The following ASB18 variants were observed in gnomAD, a reference collection of about 807,000 sequenced individuals.
ASB18 encodes the protein ankyrin repeat and SOCS box containing 18.
Under a neutral mutation model 33.4 loss-of-function variants are expected in ASB18, and 33 were observed. The observed-to-expected ratio is 0.99, with a 90% CI of 0.75 to 1.32. The LOEUF is 1.32. Among genes scored for constraint, ASB18 ranks in the 40% most tolerant of loss-of-function variants. The pLI is 0.00. For synonymous variants in ASB18, 295 were observed against 307.6 expected (o/e 0.96, Z 0.43); for missense variants, 694 against 655.5 (o/e 1.06, Z -0.64).
Position 236,214,766 on chromosome 2 carries a change from C to A in ASB18, c.697G>T (p.Glu233Ter). 1 of 1,187,452 alleles carries A rather than the reference C, an allele frequency of 8.4e-7. No homozygotes were observed. The highest frequency in any genetic ancestry group is 3.7e-5 in the South Asian group (1 of 26,674). 73.6% of individuals were successfully genotyped at this position (1,187,452 alleles called of 1,614,324 possible). Reference sequence around the variant, plus strand: ...CGGCCCAGGTACAGGCGCGCGTGCTCGTCCAGGCCGCGCTGCGCCGCCACG... The same window carrying A: ...CGGCCCAGGTACAGGCGCGCGTGCTAGTCCAGGCCGCGCTGCGCCGCCACG... The part of the protein sequence containing the change: ...LHVAAQRGLD[E>*]HARLYLGRGA... Residue 233 changes from glutamate (E) to a stop codon, truncating the protein, a stop_gained, in exon 4 of 6, where the codon GAG becomes TAG. Coordinates refer to ENST00000409749, the MANE Select transcript of ASB18 (RefSeq NM_212556.4). LOFTEE classifies it high-confidence loss of function. This position sits in a 1 kb window ranked among gnomAD's most constrained non-coding sequence, Gnocchi z 6.5.
intron 1 of ASB18, among the ~76,000 whole-genome samples, chr2:236,246,978 T>C (rs1368619652): frequency 6.6e-6 from 1 of 152,344 alleles, no homozygotes; most frequent in East Asian, 1.9e-4. Context: ...TTAAAAGGGA[T>C]AGGACACTAG....
At position 236,208,892 on chromosome 2, in the gene ASB18, C is replaced by T. The variant is rs2060446160; in HGVS notation, c.1101+5470G>A. Among the ~76,000 whole-genome samples the T allele has an allele frequency of 6.6e-6, 1 of 152,236 alleles. No individual in the cohort carries two copies. Among genetic ancestry groups the T allele is most frequent in the Non-Finnish European group, 1.5e-5 (1 of 68,042 alleles). On this transcript the variant is annotated intron_variant, in intron 4 of 5. Transcript: ENST00000409749. This position sits in a 1 kb window ranked among gnomAD's most constrained non-coding sequence, Gnocchi z 7.7. The stretch of plus-strand genomic sequence containing the variant: ...GTCATTAGTGTCCACGCACACCACA[C>T]TCTCTTCAGCTAATGAGGCGGCAGA...
At chr2:236,258,034 G>T (rs1263079088) in intron 1 of ASB18, among the ~76,000 whole-genome samples, 2 of 152,182 alleles carry the variant, frequency 1.3e-5, no homozygotes, top group Non-Finnish European at 2.9e-5. Flanking sequence ...CCTGATTTGG[G>T]GACTTATTCT....
In ASB18 at chr2:236,222,516, C is replaced by A. The variant is rs1530952; in HGVS notation, c.597-7650G>T. Among the ~76,000 whole-genome samples the A allele has an allele frequency of 0.38, 58,393 of 152,076 alleles. 11,760 individuals carry two copies. The highest frequency in any genetic ancestry group is 0.52 in the African/African-American group (21,449 of 41,450). On this transcript the variant is annotated intron_variant, in intron 3 of 5. Coordinates refer to ENST00000409749, the MANE Select transcript of ASB18 (RefSeq NM_212556.4). The surrounding 1 kb of genome is among the most constrained non-coding windows in gnomAD (Gnocchi z 5.5). ...AATGATTTAGTGAACAAGATTTGTA[C>A]AGTCAGCTCCACTGTGTGCCCCATG...
rs2060472645 is a variant in ASB18 at position 236,214,228 on chromosome 2, C to G, written c.1101+134G>C. ...CCACCCCAGACCGGCAGAGCAGATT[C>G]TGCATTTTCACAAGTCCCCAGGGGT... is the stretch of plus-strand genomic sequence containing the variant. On this transcript the variant is annotated intron_variant, in intron 4 of 5. Coordinates refer to ENST00000409749, the MANE Select transcript of ASB18 (RefSeq NM_212556.4). This position sits in a 1 kb window ranked among gnomAD's most constrained non-coding sequence, Gnocchi z 6.5. The G allele has an allele frequency of 2.1e-6, 2 of 931,990 alleles. No homozygotes were observed. Among genetic ancestry groups the G allele is most frequent in the Admixed American group, 3.0e-5 (1 of 33,760 alleles). The allele number at this position is 931,990 out of a possible 1,614,324, so 57.7% of individuals were successfully genotyped here. A position where few individuals can be genotyped will look rare whatever the true frequency, so the allele number is the denominator to read the frequency against.
At position 236,204,560 on chromosome 2, in the gene ASB18, A is replaced by G. The variant is rs572828783; in HGVS notation, c.1102-8175T>C. On this transcript the variant is annotated intron_variant, in intron 4 of 5. Transcript: ENST00000409749. The surrounding 1 kb of genome is among the most constrained non-coding windows in gnomAD (Gnocchi z 5.1). ...AAAGGTATATCTCCAGGTTGGCCAA[A>G]TCTCTCCCTCTCAAACTTTGGGCTT... Among the ~76,000 whole-genome samples the G allele has an allele frequency of 6.6e-6, 1 of 152,228 alleles. No homozygotes were observed.
In ASB18 at chr2:236,259,215, G is replaced by C. The variant is rs781480282; in HGVS notation, c.205+4926C>G. On this transcript the variant is annotated intron_variant, in intron 1 of 5. Coordinates refer to ENST00000409749, the MANE Select transcript of ASB18 (RefSeq NM_212556.4). This position sits in a 1 kb window ranked among gnomAD's most constrained non-coding sequence, Gnocchi z 4.4. ...AAGTAGAATTAAATATTTCTTTGCA[G>C]AAACCCAAATCCCAATAGTGTCTGT... Among the ~76,000 whole-genome samples the C allele has an allele frequency of 2.0e-5, 3 of 152,166 alleles. No individual in the cohort carries two copies. The highest frequency in any genetic ancestry group is 4.4e-5 in the Non-Finnish European group (3 of 68,034).
intron 3 of ASB18, among the ~76,000 whole-genome samples, chr2:236,236,816 T>C (rs541767379): frequency 1.3e-5 from 2 of 152,284 alleles, no homozygotes; most frequent in Non-Finnish European, 1.5e-5. Context: ...GCACTAAACG[T>C]GGGCGACTTT....
In ASB18 at chr2:236,249,238, A is replaced by G. The variant is rs1279209908; in HGVS notation, c.206-7836T>C. On this transcript the variant is annotated intron_variant, in intron 1 of 5. Transcript: ENST00000409749. This position sits in a 1 kb window ranked among gnomAD's most constrained non-coding sequence, Gnocchi z 4.6. ...GCTTTGCTTCCTGGTGTTGTCCTTG[A>G]TCTCTATGTTTGCTTGCATTGTGTA... 1 of 151,906 alleles carries G rather than the reference A, an allele frequency of 6.6e-6. No individual in the cohort carries two copies. Among genetic ancestry groups the G allele is most frequent in the African/African-American group, 2.4e-5 (1 of 41,326 alleles). The allele number at this position is 151,906 out of a possible 1,614,324, so 9.4% of individuals were successfully genotyped here.
chr2:236,229,101 G>A lies in ASB18; in HGVS notation c.596+8588C>T, dbSNP rs1291726900. Among the ~76,000 whole-genome samples the A allele has an allele frequency of 6.6e-6, 1 of 152,080 alleles. No individual in the cohort carries two copies. Among genetic ancestry groups the A allele is most frequent in the Non-Finnish European group, 1.5e-5 (1 of 68,006 alleles). ...CTACAATAAATAAATAAATGACACA[G>A]AAATGACATAGGTGATAGAATTAGT... On this transcript the variant is annotated intron_variant, in intron 3 of 5. Coordinates refer to ENST00000409749, the MANE Select transcript of ASB18 (RefSeq NM_212556.4). The surrounding 1 kb of genome is among the most constrained non-coding windows in gnomAD (Gnocchi z 5.2).
Position 236,194,507 on chromosome 2 carries a change from A to ATTG in ASB18, c.*362_*364dup, listed in dbSNP as rs1413901263. ...ATCAATTAACCTTGGGAAAACTGGC[A>ATTG]TTGTTATACCTCATTTAGCTTAAAG... On this transcript the variant is annotated 3_prime_UTR_variant, in exon 6 of 6. Coordinates refer to ENST00000409749, the MANE Select transcript of ASB18 (RefSeq NM_212556.4). This position sits in a 1 kb window ranked among gnomAD's most constrained non-coding sequence, Gnocchi z 4.5. Among the ~76,000 whole-genome samples, 2 of 152,188 alleles carry ATTG rather than the reference A, an allele frequency of 1.3e-5. No homozygotes were observed. The highest frequency in any genetic ancestry group is 2.9e-5 in the Non-Finnish European group (2 of 68,030).
chr2:236,214,622 G>T lies in ASB18; in HGVS notation c.841C>A (p.Arg281=). The T allele has an allele frequency of 8.4e-7, 1 of 1,195,556 alleles. No individual in the cohort carries two copies. The highest frequency in any genetic ancestry group is 1.0e-6 in the Non-Finnish European group (1 of 966,552). 74.1% of individuals were successfully genotyped at this position (1,195,556 alleles called of 1,614,324 possible). ...CGCGCGTCCGCCTCCGCCCCGCGCCGCAGCAGCAGCGCGCACAGGCGCAGG... is the reference window on the plus strand; with the variant it reads ...CGCGCGTCCGCCTCCGCCCCGCGCCTCAGCAGCAGCGCGCACAGGCGCAGG... ...RCLRLCALLL[R]RGAEADARDE... is the part of the protein sequence containing the mutation. Residue 281 remains arginine (R), a synonymous_variant, in exon 4 of 6, where the codon CGG becomes AGG. Coordinates refer to ENST00000409749, the MANE Select transcript of ASB18 (RefSeq NM_212556.4). This position sits in a 1 kb window ranked among gnomAD's most constrained non-coding sequence, Gnocchi z 6.5.
rs1467846852 is a variant in ASB18 at position 236,238,015 on chromosome 2, C to A, written c.329-59G>T. The A allele has an allele frequency of 3.2e-6, 4 of 1,250,700 alleles. No homozygotes were observed. Among genetic ancestry groups the A allele is most frequent in the Non-Finnish European group, 3.2e-6 (3 of 945,344 alleles). The allele number at this position is 1,250,700 out of a possible 1,614,324, so 77.5% of individuals were successfully genotyped here. A position where few individuals can be genotyped will look rare whatever the true frequency, so the allele number is the denominator to read the frequency against. ...GGAGGTTAGTTGTGGTGGTGGTGGG[C>A]GGTGTTCCTTAAGGCGGAAAGAAAG... is the stretch of plus-strand genomic sequence containing the variant. On this transcript the variant is annotated intron_variant, in intron 2 of 5. Coordinates refer to ENST00000409749, the MANE Select transcript of ASB18 (RefSeq NM_212556.4). This position sits in a 1 kb window ranked among gnomAD's most constrained non-coding sequence, Gnocchi z 5.2.
rs2060585978 is a variant in ASB18 at position 236,235,750 on chromosome 2, A to C, written c.596+1939T>G. 6.6e-6 allele frequency among the ~76,000 whole-genome samples: 1 copy of C among 152,246 alleles called. No homozygotes were observed. Among genetic ancestry groups the C allele is most frequent in the African/African-American group, 2.4e-5 (1 of 41,470 alleles). ...AGACAGGGTCTCAACTCTGTCACCC[A>C]GGCTGGAGTGCAGTGGCGTGAACAT... is the stretch of plus-strand genomic sequence containing the variant. On this transcript the variant is annotated intron_variant, in intron 3 of 5. Transcript: ENST00000409749. The surrounding 1 kb of genome is among the most constrained non-coding windows in gnomAD (Gnocchi z 6.2).
rs371398377 is a variant in ASB18, at chr2:236,195,094, C to A, written c.1216-37G>T. On this transcript the variant is annotated intron_variant, in intron 5 of 5. Coordinates refer to ENST00000409749, the MANE Select transcript of ASB18 (RefSeq NM_212556.4). This position sits in a 1 kb window ranked among gnomAD's most constrained non-coding sequence, Gnocchi z 5.5. ...GGCAGGTGGATTAGAAATCTGGGCA[C>A]GTGGAACCAACATACGTTTTCTTCT... 1 of 1,577,464 alleles carries A rather than the reference C, an allele frequency of 6.3e-7. No homozygotes were observed. The highest frequency in any genetic ancestry group is 8.6e-7 in the Non-Finnish European group (1 of 1,156,934).
chr2:236,201,920 A>ATT (rs34233524), intron 4 of ASB18, among the ~76,000 whole-genome samples: 273 of 150,098 alleles, frequency 1.8e-3, no homozygotes, highest in African/African-American at 6.2e-3. Context: ...ATAAAAGTAC[A>ATT]TTTTTTTTTG....
intron 1 of ASB18, among the ~76,000 whole-genome samples, chr2:236,261,909 C>T (rs1297304681): frequency 1.3e-5 from 2 of 152,142 alleles, no homozygotes; most frequent in African/African-American, 4.8e-5. Flanking sequence ...GACTTATTCA[C>T]TACCACAATA....
Position 236,208,194 on chromosome 2 carries a change from C to T in ASB18, c.1101+6168G>A, listed in dbSNP as rs902094802. 6.6e-6 allele frequency among the ~76,000 whole-genome samples: 1 copy of T among 152,116 alleles called. No homozygotes were observed. The highest frequency in any genetic ancestry group is 2.4e-5 in the African/African-American group (1 of 41,436). ...ACACGGAGACACGGAGAAACCAAGC[C>T]ACAGAGGGAGTGCCTGGCAGGAGGC... On this transcript the variant is annotated intron_variant, in intron 4 of 5. Transcript: ENST00000409749. The surrounding 1 kb of genome is among the most constrained non-coding windows in gnomAD (Gnocchi z 7.7).
At position 236,226,845 on chromosome 2, in the gene ASB18, A is replaced by C. The variant is rs2060542382; in HGVS notation, c.596+10844T>G. Reference sequence around the variant, plus strand: ...GATTTTTAAAAACCTTTTTATTTTTAAATTATTTTAGATTTTCAGAGGAGT... The same window carrying C: ...GATTTTTAAAAACCTTTTTATTTTTCAATTATTTTAGATTTTCAGAGGAGT... On this transcript the variant is annotated intron_variant, in intron 3 of 5. Coordinates refer to ENST00000409749, the MANE Select transcript of ASB18 (RefSeq NM_212556.4). This position sits in a 1 kb window ranked among gnomAD's most constrained non-coding sequence, Gnocchi z 4.8. 6.6e-6 allele frequency among the ~76,000 whole-genome samples: 1 copy of C among 152,176 alleles called. No homozygotes were observed. Among genetic ancestry groups the C allele is most frequent in the Non-Finnish European group, 1.5e-5 (1 of 68,034 alleles).
Sources: allele counts gnomAD v4.1 joint callset (sites outside exome capture counted in the v4.1 genomes callset), GRCh38; gene constraint gnomAD v4.1.1; non-coding constraint Gnocchi (gnomAD v3.1); transcripts MANE v1.5; gene names NCBI Gene and HGNC (gene_info 2026-07-23, HGNC 2026-07-21).